The following ARG1 variants were observed in gnomAD, a reference collection of about 807,000 sequenced individuals.
The protein encoded by ARG1 is arginase-1.
A neutral mutation model predicts 33.0 loss-of-function variants in ARG1; 20 were observed. The ratio of observed to expected loss-of-function variants is 0.61; its 90% CI spans 0.43 to 0.88. ARG1 has a LOEUF of 0.88. Ranked by LOEUF, ARG1 falls within the 40% of genes least tolerant of loss-of-function variation. The pLI is 0.00. For missense variants in ARG1, 374 were observed against 384.7 expected (o/e 0.97, Z 0.23); for synonymous variants, 146 against 140.6 (o/e 1.04, Z -0.27).
intron 2 of ARG1, among the ~76,000 whole-genome samples, chr6:131,577,233 C>A (rs1054631633): frequency 2.0e-5 from 3 of 152,078 alleles, no homozygotes; most frequent in African/African-American, 7.2e-5. Flanking sequence ...TTTTCTGTTA[C>A]CTTTACATAT....
intron 2 of ARG1, 25 bp from the exon 3 acceptor site, chr6:131,579,086 G>A: frequency 2.5e-6 from 4 of 1,612,632 alleles, no homozygotes; most frequent in Non-Finnish European, 3.4e-6. Context: ...TTTTAATTTA[G>A]TAACTCAAAA....
Position 131,583,138 on chromosome 6 carries a change from AG to A in ARG1, c.640del (p.Glu214LysfsTer7). 7 of 1,613,946 alleles carry A rather than the reference AG, an allele frequency of 4.3e-6. No homozygotes were observed. Among genetic ancestry groups the A allele is most frequent in the Non-Finnish European group, 5.9e-6 (7 of 1,179,850 alleles). On this transcript the variant is annotated frameshift_variant, in exon 6 of 8. Transcript: ENST00000368087. LOFTEE classifies it high-confidence loss of function. ...GACTAGGAATTGGCAAGGTGATGGAAGAAACACTCAGCTATCTACTAGGAAG... is the reference window on the plus strand; with the variant it reads ...GACTAGGAATTGGCAAGGTGATGGAAAAACACTCAGCTATCTACTAGGAAG... The part of the protein sequence containing the change: ...DRLGIGKVME[E>X]TLSYLLGRKK...
intron 2 of ARG1, 120 bp from the exon 3 acceptor site, chr6:131,578,991 A>G: frequency 1.7e-6 from 2 of 1,161,390 alleles, no homozygotes; most frequent in Non-Finnish European, 2.4e-6. Flanking sequence ...CAGACCTTTC[A>G]GGTTTTTCCT....
chr6:131,579,725 G>A (rs1197228178), intron 3 of ARG1: 2 of 158,868 alleles, frequency 1.3e-5, no homozygotes, highest in Non-Finnish European at 2.8e-5. Flanking sequence ...GAAAAAAAAT[G>A]TGGTAATTGT....
intron 4 of ARG1, 77 bp downstream of exon 4, chr6:131,581,455 A>G (rs1773921222): frequency 7.0e-7 from 1 of 1,428,396 alleles, no homozygotes; most frequent in South Asian, 1.2e-5. Flanking sequence ...GAAATGAGAA[A>G]CTCCATGTTA....
chr6:131,573,329 CA>C lies in ARG1; in HGVS notation c.50del (p.Lys17ArgfsTer15), dbSNP rs2114507395. The C allele has an allele frequency of 4.3e-6, 7 of 1,613,988 alleles. No individual in the cohort carries two copies. The highest frequency in any genetic ancestry group is 5.9e-6 in the Non-Finnish European group (7 of 1,179,960). On this transcript the variant is annotated frameshift_variant, in exon 1 of 8. Transcript: ENST00000368087. LOFTEE classifies it high-confidence loss of function. ...RTIGIIGAPF[S>X]KGQPRGGVEE... ...ATAGGGATTATTGGAGCTCCTTTCT[CA>C]AAGGGACAGGTAAGGAAAAAAGTCT... is the stretch of plus-strand genomic sequence containing the variant.
intron 4 of ARG1, among the ~76,000 whole-genome samples, chr6:131,582,022 A>G (rs994427159): frequency 6.6e-6 from 1 of 152,194 alleles, no homozygotes; most frequent in Non-Finnish European, 1.5e-5. Flanking sequence ...GCCATAGTAT[A>G]TCAATAAAAA....
intron 1 of ARG1, chr6:131,573,877 G>A: frequency 8.1e-6 from 2 of 245,608 alleles, no homozygotes; most frequent in South Asian, 6.0e-5. Flanking sequence ...CTATGAAACT[G>A]TTCATTCATG....
At chr6:131,583,009 C>A in intron 5 of ARG1, 51 bp from the exon 6 acceptor site, 1 of 1,313,860 alleles carries the variant, frequency 7.6e-7, no homozygotes, top group East Asian at 2.5e-5. Flanking sequence ...AGGAGACAGG[C>A]GGGCACAGTC....
intron 1 of ARG1, among the ~76,000 whole-genome samples, chr6:131,574,832 T>C (rs1175957579): frequency 2.0e-5 from 3 of 152,170 alleles, no homozygotes. Flanking sequence ...TATTTTTACC[T>C]TACAGTTGGG....
rs1160133142 is a variant in ARG1, at chr6:131,579,097, CTT to C, written c.131-10_131-9del. 1.2e-6 allele frequency: 2 copies of C among 1,613,624 alleles called. No homozygotes were observed. The highest frequency in any genetic ancestry group is 2.7e-5 in the African/African-American group (2 of 74,916). Reference sequence around the variant, plus strand: ...TACTTTTTAATTTAGTAACTCAAAACTTTTTAATTTTAGAGTGTGATGTGAAG... The same window carrying C: ...TACTTTTTAATTTAGTAACTCAAAACTTTAATTTTAGAGTGTGATGTGAAG... On this transcript the variant is annotated splice_polypyrimidine_tract_variant and intron_variant, in intron 2 of 7. Transcript: ENST00000368087.
chr6:131,579,378 A>C, intron 3 of ARG1, 93 bp downstream of exon 3: 1 of 1,401,636 alleles, frequency 7.1e-7, no homozygotes, highest in Non-Finnish European at 9.8e-7. Flanking sequence ...TAGACAGAAA[A>C]GCATTGACCT....
At chr6:131,581,415 CT>C (rs751084231) in intron 4 of ARG1, 37 bp downstream of exon 4, 2 of 1,588,386 alleles carry the variant, frequency 1.3e-6, no homozygotes, top group South Asian at 1.1e-5. Context: ...CAATAGAATA[CT>C]TTTTAGTAGA....
intron 5 of ARG1, 95 bp downstream of exon 5, chr6:131,582,810 T>A (rs1182532745): frequency 1.9e-6 from 2 of 1,032,028 alleles, no homozygotes; most frequent in East Asian, 4.7e-5. Flanking sequence ...AAATTAAACA[T>A]CAAGACACAC....
At chr6:131,575,895 T>G (rs1429200363) in intron 1 of ARG1, among the ~76,000 whole-genome samples, 1 of 150,596 alleles carries the variant, frequency 6.6e-6, no homozygotes, top group East Asian at 1.9e-4. Flanking sequence ...GGTCTTTGTT[T>G]GTAGTTTTCA....
At chr6:131,576,784 A>T in intron 2 of ARG1, 49 bp downstream of exon 2, 1 of 1,523,620 alleles carries the variant, frequency 6.6e-7, no homozygotes, top group Non-Finnish European at 9.1e-7. Flanking sequence ...CCCCACTCTG[A>T]AGGAAAGAGC....
intron 4 of ARG1, 36 bp from the exon 5 acceptor site, chr6:131,582,585 A>G (rs760349584): frequency 6.5e-7 from 1 of 1,529,236 alleles, no homozygotes; most frequent in Admixed American, 1.7e-5. Context: ...GTTCAAGAGA[A>G]TCATACATAA....
intron 7 of ARG1, 122 bp from the exon 8 acceptor site, chr6:131,583,619 AC>A: frequency 6.6e-7 from 1 of 1,515,888 alleles, no homozygotes; most frequent in Non-Finnish European, 9.1e-7. Flanking sequence ...TGATGCAATA[AC>A]TAAAGTGTTT....
rs1400801659 is a variant in ARG1, at chr6:131,583,368, A to T, written c.679A>T (p.Ile227Phe). 6.2e-7 allele frequency: 1 copy of T among 1,614,192 alleles called. No homozygotes were observed. The highest frequency in any genetic ancestry group is 1.3e-5 in the African/African-American group (1 of 75,068). ...ACTTCTTAAAAGAAAGAAAAGGCCA[A>T]TTCATCTAAGTTTTGATGTTGACGG... ...SYLLGRKKRP[I>F]HLSFDVDGLD... The change falls in exon 7 of 8, where the codon ATT becomes TTT. Residue 227 changes from isoleucine to phenylalanine, a missense_variant. Ile to Phe is a conservative substitution (Grantham distance 21). Transcript: ENST00000368087.
Sources: allele counts gnomAD v4.1 joint callset (sites outside exome capture counted in the v4.1 genomes callset), GRCh38; gene constraint gnomAD v4.1.1; transcripts MANE v1.5; gene names NCBI Gene and HGNC (gene_info 2026-07-23, HGNC 2026-07-21).